Variants in PLA2G10 observed in about 807,000 individuals in gnomAD.
The protein encoded by PLA2G10 is phospholipase A2 group X.
Under a neutral mutation model 7.9 loss-of-function variants are expected in PLA2G10, and 9 were observed. The ratio of observed to expected loss-of-function variants is 1.14; its 90% CI spans 0.68 to 1.98. The LOEUF (loss-of-function observed/expected upper bound fraction) is 1.98. Among genes scored for constraint, PLA2G10 ranks in the 30% most tolerant of loss-of-function variants. PLA2G10 has a pLI of 0.00. For synonymous variants in PLA2G10, 19 were observed against 27.5 expected (o/e 0.69, Z 0.97); for missense variants, 53 against 65.4 (o/e 0.81, Z 0.66).
chr16:14,687,948 A>G (rs71374723), intron 3 of PLA2G10, among the ~76,000 whole-genome samples: 21,391 of 147,424 alleles, frequency 0.15, 1,432 homozygotes, highest in East Asian at 0.27. Flanking sequence ...GTAGTGAGCC[A>G]AGATCACATC....
chr16:14,677,429 C>T (rs999677001), intron 3 of PLA2G10, among the ~76,000 whole-genome samples: 46 of 152,206 alleles, frequency 3.0e-4, no homozygotes, highest in Middle Eastern at 3.4e-3. Context: ...TGCAGTGGCA[C>T]GATCTCAGCT....
intron 3 of PLA2G10, among the ~76,000 whole-genome samples, chr16:14,674,242 A>C (rs1960666628): frequency 1.3e-5 from 2 of 152,214 alleles, no homozygotes; most frequent in Non-Finnish European, 2.9e-5. Context: ...TAGATGACAC[A>C]AACAAATGGA....
chr16:14,678,001 A>G (rs1960774226), intron 3 of PLA2G10, among the ~76,000 whole-genome samples: 1 of 152,172 alleles, frequency 6.6e-6, no homozygotes, highest in South Asian at 2.1e-4. Flanking sequence ...GATAAACATA[A>G]TATGTGCGAA....
At chr16:14,684,496 T>C (rs1960993703) in intron 3 of PLA2G10, among the ~76,000 whole-genome samples, 1 of 151,562 alleles carries the variant, frequency 6.6e-6, no homozygotes, top group African/African-American at 2.4e-5. Context: ...TGAAACCCAG[T>C]CTCTACTAAA....
At chr16:14,674,988 A>G (rs1039861756) in intron 3 of PLA2G10, among the ~76,000 whole-genome samples, 4 of 152,112 alleles carry the variant, frequency 2.6e-5, no homozygotes, top group Non-Finnish European at 5.9e-5. Context: ...CCTGACCAAC[A>G]TGGAGAAACC....
At chr16:14,675,674 C>G (rs975784117) in intron 3 of PLA2G10, among the ~76,000 whole-genome samples, 1 of 151,208 alleles carries the variant, frequency 6.6e-6, no homozygotes, top group Non-Finnish European at 1.5e-5. Context: ...GGCACGATGG[C>G]TCACATCTGT....
At chr16:14,675,804 T>G (rs948690106) in intron 3 of PLA2G10, among the ~76,000 whole-genome samples, 2 of 151,890 alleles carry the variant, frequency 1.3e-5, no homozygotes, top group Non-Finnish European at 1.5e-5. Flanking sequence ...CCTAGTGTGG[T>G]GGCTCATGCC....
chr16:14,681,879 G>C (rs1960902339), intron 3 of PLA2G10, among the ~76,000 whole-genome samples: 1 of 151,656 alleles, frequency 6.6e-6, no homozygotes, highest in South Asian at 2.1e-4. Flanking sequence ...GTTGAAGGGA[G>C]AAAGGAAAGA....
At chr16:14,686,696 C>T (rs1961076712) in intron 3 of PLA2G10, among the ~76,000 whole-genome samples, 1 of 152,070 alleles carries the variant, frequency 6.6e-6, no homozygotes, top group Non-Finnish European at 1.5e-5. Flanking sequence ...GACAGGGTTT[C>T]ACCATTGAGG....
intron 3 of PLA2G10, among the ~76,000 whole-genome samples, chr16:14,679,493 C>A (rs1193704456): frequency 2.6e-5 from 4 of 151,938 alleles, no homozygotes; most frequent in Non-Finnish European, 4.4e-5. Context: ...AAACCCATCT[C>A]TACTAAAAAT....
intron 3 of PLA2G10, among the ~76,000 whole-genome samples, chr16:14,683,500 T>A (rs1236360753): frequency 6.6e-6 from 1 of 152,046 alleles, no homozygotes; most frequent in Non-Finnish European, 1.5e-5. Flanking sequence ...CCTCCCAAAG[T>A]GCTAGGATTA....
rs1265212796 is a variant in PLA2G10 at position 14,672,709 on chromosome 16, A to G, written c.396T>C (p.Cys132=). 1 of 1,613,980 alleles carries G rather than the reference A, an allele frequency of 6.2e-7. No individual in the cohort carries two copies. Among genetic ancestry groups the G allele is most frequent in the Non-Finnish European group, 8.5e-7 (1 of 1,179,972 alleles). ...ENKCQELLCK[C]DQEIANCLAQ... is the part of the protein sequence containing the mutation. ...CTAAGCAGTTAGCAATCTCCTGGTC[A>G]CACTTGCACAACAGTTCTTGGCATT... Residue 132 remains cysteine (C), a synonymous_variant, in exon 4 of 4, where the codon TGT becomes TGC. Coordinates refer to ENST00000438167, the MANE Select transcript of PLA2G10 (RefSeq NM_003561.3).
At chr16:14,686,805 T>A (rs553808322) in intron 3 of PLA2G10, among the ~76,000 whole-genome samples, 10 of 152,174 alleles carry the variant, frequency 6.6e-5, no homozygotes, top group African/African-American at 2.4e-4. Flanking sequence ...CAAAATGGAA[T>A]CTTAAAAATA....
intron 3 of PLA2G10, among the ~76,000 whole-genome samples, chr16:14,680,258 G>T (rs1001617971): frequency 2.6e-5 from 4 of 151,870 alleles, no homozygotes; most frequent in Non-Finnish European, 5.9e-5. Context: ...CTGCCACCAC[G>T]ACCGGCTAAT....
intron 3 of PLA2G10, among the ~76,000 whole-genome samples, chr16:14,679,898 T>G (rs1960840644): frequency 6.6e-6 from 1 of 151,970 alleles, no homozygotes; most frequent in South Asian, 2.1e-4. Flanking sequence ...TTCCCACTCT[T>G]CTGCATTCCC....
At chr16:14,681,200 G>A (rs924613246) in intron 3 of PLA2G10, among the ~76,000 whole-genome samples, 1 of 151,124 alleles carries the variant, frequency 6.6e-6, no homozygotes, top group Non-Finnish European at 1.5e-5. Context: ...AAAAGGGGGA[G>A]GGGGGAGAGA....
At position 14,693,309 on chromosome 16, in the gene PLA2G10, CTGTGTGTGTGTG is replaced by C. The variant is rs1177221583; in HGVS notation, c.97+812_97+823del. Reference sequence around the variant, plus strand: ...CGCACATATGTGTGTCTGTGCTGCTCTGTGTGTGTGTGTGTGTGTGTGTGTGTGTGTGTGTGT... The same window carrying C: ...CGCACATATGTGTGTCTGTGCTGCTCTGTGTGTGTGTGTGTGTGTGTGTGT... On this transcript the variant is annotated intron_variant, in intron 1 of 3. Transcript: ENST00000438167. 1.4e-3 allele frequency among the ~76,000 whole-genome samples: 35 copies of C among 24,244 alleles called. 9 individuals are homozygous for C. Among genetic ancestry groups the C allele is most frequent in the Non-Finnish European group, 2.0e-3 (21 of 10,766 alleles). The allele number at this position is 24,244 out of a possible 152,430, so 15.9% of individuals were successfully genotyped here. A position where few individuals can be genotyped will look rare whatever the true frequency, so the allele number is the denominator to read the frequency against.
intron 3 of PLA2G10, among the ~76,000 whole-genome samples, chr16:14,685,418 T>C (rs1961026635): frequency 6.6e-6 from 1 of 151,010 alleles, no homozygotes; most frequent in Non-Finnish European, 1.5e-5. Flanking sequence ...AAAAACATTA[T>C]ACTAAGTGAA....
chr16:14,678,641 A>G (rs1247024016), intron 3 of PLA2G10: 1 of 329,840 alleles, frequency 3.0e-6, no homozygotes, highest in Non-Finnish European at 6.1e-6. Context: ...ATGGTGGCAC[A>G]TACCTGTGAT....
Sources: gnomAD v4.1 joint callset for allele counts (sites outside exome capture counted in the v4.1 genomes callset) on GRCh38, gnomAD v4.1.1 for gene constraint, MANE v1.5 for transcripts, NCBI Gene and HGNC (gene_info 2026-07-23, HGNC 2026-07-21) for gene names.